The following SEC31A variants were observed in gnomAD, a reference collection of about 807,000 sequenced individuals.
SEC31A encodes the protein protein transport protein Sec31A.
A neutral mutation model predicts 151.0 loss-of-function variants in SEC31A; 70 were observed. That is an observed-to-expected ratio of 0.46 (90% CI 0.38 to 0.57). The LOEUF (loss-of-function observed/expected upper bound fraction) is 0.57. SEC31A is among the 20% of genes least tolerant of loss of function. The pLI is 0.00. For synonymous variants in SEC31A, 475 were observed against 505.9 expected (o/e 0.94, Z 0.82); for missense variants, 1,330 against 1,471.2 (o/e 0.90, Z 1.57).
At chr4:82,863,086 T>A (rs1274763196) in intron 12 of SEC31A, 2 of 428,460 alleles carry the variant, frequency 4.7e-6, no homozygotes, top group Non-Finnish European at 8.2e-6. Flanking sequence ...CAAAGAATGA[T>A]GAAAGGCTAA....
intron 22 of SEC31A, among the ~76,000 whole-genome samples, chr4:82,836,552 T>C (rs1239087347): frequency 1.3e-5 from 2 of 152,130 alleles, no homozygotes; most frequent in Non-Finnish European, 2.9e-5. Context: ...AAAAAAATTC[T>C]GATACATGCT....
chr4:82,899,292 C>T, intron 3 of SEC31A, among the ~76,000 whole-genome samples: 1 of 152,192 alleles, frequency 6.6e-6, no homozygotes, highest in East Asian at 1.9e-4. Context: ...TTCCACAATT[C>T]TGTGCATATA....
At position 82,849,972 on chromosome 4, in the gene SEC31A, T is replaced by TG. The variant is rs1197578132; in HGVS notation, c.2329-996dup. The stretch of plus-strand genomic sequence containing the variant: ...TTTTAGGCATATTTTATTTGCCTTT[T>TG]GGGGGGGAGAATTATATATTACAAT... On this transcript the variant is annotated intron_variant, in intron 19 of 26. Coordinates refer to ENST00000395310, the MANE Select transcript of SEC31A (RefSeq NM_001077207.4). Among the ~76,000 whole-genome samples the TG allele has an allele frequency of 2.6e-5, 4 of 152,226 alleles. 1 individual carries two copies. In the South Asian group the frequency reaches 6.2e-4, roughly 24 times the overall value.
chr4:82,833,984 A>G (rs951050615), intron 22 of SEC31A, among the ~76,000 whole-genome samples: 1 of 152,234 alleles, frequency 6.6e-6, no homozygotes, highest in Non-Finnish European at 1.5e-5. Flanking sequence ...TGTTTTTCAT[A>G]CAAGATATAA....
chr4:82,836,200 C>G (rs981253528), intron 22 of SEC31A, among the ~76,000 whole-genome samples: 4 of 151,792 alleles, frequency 2.6e-5, no homozygotes, highest in African/African-American at 9.7e-5. Context: ...TGGCGAAACC[C>G]CATCTCTACT....
rs1416253506 is a variant in SEC31A, at chr4:82,872,066, T to C, written c.660A>G (p.Ala220=). 4.3e-6 allele frequency: 7 copies of C among 1,614,062 alleles called. No homozygotes were observed. Among genetic ancestry groups the C allele is most frequent in the South Asian group, 1.1e-5 (1 of 91,084 alleles). The change falls in exon 7 of 27, where the codon GCA becomes GCG. Residue 220 remains alanine (A), a synonymous_variant. Coordinates refer to ENST00000395310, the MANE Select transcript of SEC31A (RefSeq NM_001077207.4). The part of the protein sequence containing the change: ...HSNRMHCSGL[A]WHPDVATQMV... ...TCTGAGTAGCAACATCAGGATGCCA[T>C]GCCAACCCAGAACAATGCATCTGAA...
upstream of SEC31A, among the ~76,000 whole-genome samples, chr4:82,892,314 T>A (rs1719847283): frequency 6.6e-6 from 1 of 152,256 alleles, no homozygotes; most frequent in African/African-American, 2.4e-5. Context: ...AAATGCTCCA[T>A]TTCAACCGCA....
rs1735508536 is a variant in SEC31A, at chr4:82,866,819, C to T, written c.1186G>A (p.Ala396Thr). ...PPKWIRRPVG[A>T]SFSFGGKLVT... The stretch of plus-strand genomic sequence containing the variant: ...CAAAATCCACCTACTGAAAAAGAAG[C>T]ACCAACAGGCCTTCGAATCCACTTG... The change falls in exon 10 of 27, where the codon GCT becomes ACT. Residue 396 changes from alanine (A) to threonine (T), a missense_variant. Ala to Thr is a moderately conservative substitution (Grantham distance 58). Coordinates refer to ENST00000395310, the MANE Select transcript of SEC31A (RefSeq NM_001077207.4). 2.5e-6 allele frequency: 4 copies of T among 1,598,820 alleles called. No individual in the cohort carries two copies. The highest frequency in any genetic ancestry group is 3.4e-6 in the Non-Finnish European group (4 of 1,176,120).
chr4:82,835,406 CTTT>C lies in SEC31A; in HGVS notation c.2969-6351_2969-6349del, dbSNP rs1726965270. ...AATCCTCCCCTATCCTTTTTTAACTCTTTCAAAAAACTATAAAGTGGGGATGAA... is the reference window on the plus strand; with the variant it reads ...AATCCTCCCCTATCCTTTTTTAACTCCAAAAAACTATAAAGTGGGGATGAA... On this transcript the variant is annotated intron_variant, in intron 22 of 26. Coordinates refer to ENST00000395310, the MANE Select transcript of SEC31A (RefSeq NM_001077207.4). Among the ~76,000 whole-genome samples the C allele has an allele frequency of 2.0e-5, 3 of 152,216 alleles. No individual in the cohort carries two copies. The South Asian group carries it at 6.2e-4, about 32-fold the overall frequency.
intron 22 of SEC31A, among the ~76,000 whole-genome samples, chr4:82,834,148 C>T (rs1408630527): frequency 2.6e-5 from 4 of 152,144 alleles, no homozygotes; most frequent in Non-Finnish European, 5.9e-5. Flanking sequence ...TATAAATGCC[C>T]GGTGAGTCAC....
At chr4:82,891,298 C>T, upstream of SEC31A, 1 of 998,156 alleles carries the variant, frequency 1.0e-6, no homozygotes, top group Non-Finnish European at 1.5e-6. Flanking sequence ...CACGGCACTT[C>T]CGGGACCGGC....
chr4:82,873,049 C>CA (rs1345220839), intron 6 of SEC31A, among the ~76,000 whole-genome samples: 1 of 151,790 alleles, frequency 6.6e-6, no homozygotes, highest in African/African-American at 2.4e-5. Flanking sequence ...AAACGAAAAA[C>CA]AAAAAACAGA....
chr4:82,876,564 C>T (rs1163700796), intron 4 of SEC31A, among the ~76,000 whole-genome samples: 2 of 152,182 alleles, frequency 1.3e-5, no homozygotes, highest in Non-Finnish European at 2.9e-5. Context: ...TCTCAGGATA[C>T]CTCAAAGCCA....
At position 82,878,910 on chromosome 4, in the gene SEC31A, C is replaced by A; in HGVS notation, c.222G>T (p.Trp74Cys). 1 of 1,613,098 alleles carries A rather than the reference C, an allele frequency of 6.2e-7. No homozygotes were observed. The highest frequency in any genetic ancestry group is 8.5e-7 in the Non-Finnish European group (1 of 1,179,286). ...SSSHRYHKLI[W>C]GPYKMDSKGD... ...CTTTGGAATCCATTTTATAAGGCCC[C>A]CAAATCAACTTGTGGTACCTACAGG... The change falls in exon 4 of 27, where the codon TGG becomes TGT. Residue 74 changes from tryptophan to cysteine, a missense_variant. Physicochemically the swap from Trp to Cys is radical, Grantham distance 215. Coordinates refer to ENST00000395310, the MANE Select transcript of SEC31A (RefSeq NM_001077207.4).
chr4:82,843,630 A>C (rs1729400556), intron 21 of SEC31A: 1 of 151,784 alleles, frequency 6.6e-6, no homozygotes, highest in African/African-American at 2.4e-5. Context: ...CATTCATTTT[A>C]GCACAGAACA....
chr4:82,855,573 A>G (rs1732452660), intron 16 of SEC31A, among the ~76,000 whole-genome samples: 1 of 152,262 alleles, frequency 6.6e-6, no homozygotes, highest in Admixed American at 6.5e-5. Flanking sequence ...AATAAAAATT[A>G]CTTTTTTTAT....
At chr4:82,829,964 C>T (rs115254140) in intron 22 of SEC31A, among the ~76,000 whole-genome samples, 6,313 of 152,258 alleles carry the variant, frequency 0.041, 402 homozygotes, top group African/African-American at 0.14. Context: ...GAAGCAGATA[C>T]TTGCTAAAGA....
intron 3 of SEC31A, among the ~76,000 whole-genome samples, chr4:82,898,674 T>C (rs941092358): frequency 6.6e-5 from 10 of 152,354 alleles, no homozygotes; most frequent in Non-Finnish European, 1.5e-4. Flanking sequence ...TGCCTGTATC[T>C]GCAAACTTTT....
At chr4:82,867,055 A>G (rs1307561389) in intron 9 of SEC31A, 95 bp from the exon 10 acceptor site, 1 of 1,541,388 alleles carries the variant, frequency 6.5e-7, no homozygotes, top group East Asian at 2.2e-5. Flanking sequence ...ACAATTGTCC[A>G]ATTAACCAGC....
Sources: gnomAD v4.1 joint callset for allele counts (sites outside exome capture counted in the v4.1 genomes callset) on GRCh38, gnomAD v4.1.1 for gene constraint, MANE v1.5 for transcripts, NCBI Gene and HGNC (gene_info 2026-07-23, HGNC 2026-07-21) for gene names.